FBXL7: variants seen among roughly 807,000 people sequenced by gnomAD.
FBXL7 encodes the protein F-box/LRR-repeat protein 7.
Under a neutral mutation model 38.3 loss-of-function variants are expected in FBXL7, and 12 were observed. The ratio of observed to expected loss-of-function variants is 0.31; its 90% CI spans 0.20 to 0.51. The LOEUF is 0.51. Ranked by LOEUF, FBXL7 falls within the 20% of genes least tolerant of loss-of-function variation. FBXL7 has a pLI of 0.98. For missense variants in FBXL7, 567 were observed against 676.4 expected, an observed-to-expected ratio of 0.84 and a Z score of 1.79; for synonymous variants, 297 against 300.9, an observed-to-expected ratio of 0.99 and a Z score of 0.13.
At chr5:15,605,120 G>A (rs1424520020) in intron 1 of FBXL7, among the ~76,000 whole-genome samples, 1 of 152,158 alleles carries the variant, frequency 6.6e-6, no homozygotes. Flanking sequence ...GCTGCAGCAG[G>A]GCAGTTGCTG....
At chr5:15,758,526 T>C (rs1736358952) in intron 2 of FBXL7, among the ~76,000 whole-genome samples, 1 of 152,080 alleles carries the variant, frequency 6.6e-6, no homozygotes, top group Admixed American at 6.6e-5. Flanking sequence ...GTGCCAAATA[T>C]ACAAAAACAA....
chr5:15,663,952 A>G (rs1742178737), intron 2 of FBXL7, among the ~76,000 whole-genome samples: 1 of 151,960 alleles, frequency 6.6e-6, no homozygotes, highest in South Asian at 2.1e-4. Context: ...ATTTACATCT[A>G]TTGTAATTGT....
chr5:15,640,183 T>C lies in FBXL7; in HGVS notation c.127+24111T>C, dbSNP rs557339905. On this transcript the variant is annotated intron_variant, in intron 2 of 3. Transcript: ENST00000504595. Reference sequence around the variant, plus strand: ...ATAGCAACTTATTGTTTTGTGGCAATAGAGTCTAGAAATCAGAAATCAAGG... The same window carrying C: ...ATAGCAACTTATTGTTTTGTGGCAACAGAGTCTAGAAATCAGAAATCAAGG... Among the ~76,000 whole-genome samples, 4 of 152,284 alleles carry C rather than the reference T, an allele frequency of 2.6e-5. No homozygotes were observed. The South Asian group carries it at 8.3e-4, about 32-fold the overall frequency.
intron 3 of FBXL7, among the ~76,000 whole-genome samples, chr5:15,931,908 C>G (rs868396378): frequency 1.3e-5 from 2 of 152,176 alleles, no homozygotes; most frequent in African/African-American, 2.4e-5. Flanking sequence ...CGGCTCACCC[C>G]CAGTGAGCTA....
At chr5:15,784,975 T>C (rs1454714807) in intron 2 of FBXL7, among the ~76,000 whole-genome samples, 1 of 152,196 alleles carries the variant, frequency 6.6e-6, no homozygotes, top group Non-Finnish European at 1.5e-5. Context: ...TTTAAAGGTA[T>C]TCCTTTTCTT....
intron 2 of FBXL7, among the ~76,000 whole-genome samples, chr5:15,672,559 T>C (rs1169209136): frequency 3.4e-5 from 2 of 58,710 alleles, no homozygotes; most frequent in Admixed American, 3.0e-4. Context: ...ATCTTTTTCT[T>C]TTTTTTTTTT....
At chr5:15,707,092 C>T (rs966525458) in intron 2 of FBXL7, among the ~76,000 whole-genome samples, 2 of 149,952 alleles carry the variant, frequency 1.3e-5, no homozygotes, top group African/African-American at 4.9e-5. Context: ...ATATATTTAA[C>T]ATTGGGACAA....
At chr5:15,760,538 A>G (rs558071113) in intron 2 of FBXL7, among the ~76,000 whole-genome samples, 18 of 152,050 alleles carry the variant, frequency 1.2e-4, no homozygotes, top group Non-Finnish European at 2.4e-4. Flanking sequence ...ATTGCCTAAC[A>G]CATTGAGCTT....
chr5:15,608,718 A>C (rs780341161), intron 1 of FBXL7, among the ~76,000 whole-genome samples: 1 of 152,152 alleles, frequency 6.6e-6, no homozygotes, highest in Non-Finnish European at 1.5e-5. Context: ...TGCAGCCTCA[A>C]CTTCTGCCTG....
intron 2 of FBXL7, among the ~76,000 whole-genome samples, chr5:15,766,396 C>T (rs979443861): frequency 6.6e-5 from 10 of 152,088 alleles, no homozygotes; most frequent in African/African-American, 1.2e-4. Context: ...TTTTTGTATC[C>T]GTAGACAGGG....
At chr5:15,721,241 AT>A (rs1007068510) in intron 2 of FBXL7, among the ~76,000 whole-genome samples, 22 of 151,628 alleles carry the variant, frequency 1.5e-4, no homozygotes, top group East Asian at 7.7e-4. Context: ...ATTTTCGAAG[AT>A]TTTTTTTTAG....
At chr5:15,805,307 T>G (rs1028517767) in intron 2 of FBXL7, among the ~76,000 whole-genome samples, 2 of 152,164 alleles carry the variant, frequency 1.3e-5, no homozygotes, top group Non-Finnish European at 2.9e-5. Flanking sequence ...TGTGCTGGAT[T>G]CCACAATATG....
chr5:15,705,308 G>A (rs1480118701), intron 2 of FBXL7, among the ~76,000 whole-genome samples: 1 of 152,168 alleles, frequency 6.6e-6, no homozygotes, highest in Non-Finnish European at 1.5e-5. Flanking sequence ...AACAGTGCTT[G>A]GCACGTAAGC....
intron 2 of FBXL7, among the ~76,000 whole-genome samples, chr5:15,713,847 G>C (rs926933276): frequency 6.6e-6 from 1 of 152,194 alleles, no homozygotes; most frequent in African/African-American, 2.4e-5. Context: ...AAGTTTGGTG[G>C]ATGATAAAAA....
At chr5:15,627,912 G>C (rs1336925202) in intron 2 of FBXL7, among the ~76,000 whole-genome samples, 1 of 152,140 alleles carries the variant, frequency 6.6e-6, no homozygotes, top group Non-Finnish European at 1.5e-5. Flanking sequence ...TAGGTTGTTA[G>C]ACTAATTAAC....
intron 2 of FBXL7, among the ~76,000 whole-genome samples, chr5:15,843,733 T>A (rs1241340978): frequency 3.3e-5 from 5 of 152,072 alleles, no homozygotes; most frequent in Non-Finnish European, 5.9e-5. Context: ...AATTTTAAAA[T>A]CTTAAAGCTA....
intron 2 of FBXL7, among the ~76,000 whole-genome samples, chr5:15,716,433 A>T (rs1744046079): frequency 6.6e-6 from 1 of 152,170 alleles, no homozygotes; most frequent in Non-Finnish European, 1.5e-5. Context: ...TTTTATAACA[A>T]GATTAAGTAA....
At chr5:15,532,362 G>C (rs1280285136) in intron 1 of FBXL7, among the ~76,000 whole-genome samples, 1 of 152,210 alleles carries the variant, frequency 6.6e-6, no homozygotes, top group Non-Finnish European at 1.5e-5. Context: ...CTAATTGGTT[G>C]TTAAGAGGAA....
At chr5:15,587,497 C>T (rs896613287) in intron 1 of FBXL7, among the ~76,000 whole-genome samples, 2 of 152,166 alleles carry the variant, frequency 1.3e-5, no homozygotes, top group Non-Finnish European at 2.9e-5. Flanking sequence ...ATTATGTACT[C>T]TGTGTCTCTG....
Sources: allele counts gnomAD v4.1 joint callset (sites outside exome capture counted in the v4.1 genomes callset), GRCh38; gene constraint gnomAD v4.1.1; transcripts MANE v1.5; gene names NCBI Gene and HGNC (gene_info 2026-07-23, HGNC 2026-07-21).